Variants in ATL1 observed in about 807,000 individuals in gnomAD.
The protein encoded by ATL1 is atlastin GTPase 1.
Under a neutral mutation model 75.5 loss-of-function variants are expected in ATL1, and 31 were observed. The observed-to-expected ratio is 0.41, with a 90% CI of 0.31 to 0.55. ATL1 has a LOEUF of 0.55. Among genes scored for constraint, ATL1 ranks in the 20% least tolerant of loss-of-function variants. The pLI is 0.27. For missense variants in ATL1, 405 were observed against 662.6 expected (o/e 0.61, Z 4.27); for synonymous variants, 226 against 233.3 (o/e 0.97, Z 0.28).
At chr14:50,579,886 C>T (rs1192646665) in intron 1 of ATL1, among the ~76,000 whole-genome samples, 1 of 152,116 alleles carries the variant, frequency 6.6e-6, no homozygotes, top group East Asian at 1.9e-4. Flanking sequence ...CTACCCACTG[C>T]TAAGAGCTGG....
chr14:50,536,435 TCAAAAAAA>T (rs759606594), intron 1 of ATL1, among the ~76,000 whole-genome samples: 1 of 24,578 alleles, frequency 4.1e-5, no homozygotes. Context: ...AAACTCTGTC[TCAAAAAAA>T]AAAAAAAAAA....
chr14:50,574,662 A>G (rs2038984217), intron 1 of ATL1, among the ~76,000 whole-genome samples: 1 of 152,054 alleles, frequency 6.6e-6, no homozygotes, highest in Non-Finnish European at 1.5e-5. Context: ...TTCTTAAAAC[A>G]TGTGAACATA....
intron 7 of ATL1, among the ~76,000 whole-genome samples, chr14:50,613,784 T>C (rs1348825821): frequency 6.6e-6 from 1 of 152,138 alleles, no homozygotes; most frequent in African/African-American, 2.4e-5. Flanking sequence ...GGGAGAAAGA[T>C]CAAAATTTAC....
Position 50,587,866 on chromosome 14 carries a change from G to C in ATL1, c.70G>C (p.Glu24Gln), listed in dbSNP as rs763169900. The stretch of plus-strand genomic sequence containing the variant: ...GGAAAAGACATATGAATGGAGCTCA[G>C]AAGAGGAGGAGCCAGTGAAAAAGGC... ...FSEKTYEWSS[E>Q]EEEPVKKAGP... is the part of the protein sequence containing the mutation. The change falls in exon 2 of 14, where the codon GAA becomes CAA. Residue 24 changes from glutamate to glutamine, a missense_variant. Physicochemically the swap from Glu to Gln is conservative, Grantham distance 29. This residue lies in a region of ATL1 where 126 missense variants were observed against 172.0 expected (regional missense o/e 0.73). Transcript: ENST00000358385. 9.3e-6 allele frequency: 15 copies of C among 1,614,066 alleles called. No homozygotes were observed. The Admixed American group carries it at 2.0e-4, about 22-fold the overall frequency.
In ATL1 at chr14:50,628,033, T is replaced by C. The variant is rs767463841; in HGVS notation, c.1122T>C (p.Ile374=). The change falls in exon 12 of 14, where the codon ATT becomes ATC. Residue 374 remains isoleucine (I), a splice_region_variant and synonymous_variant. Transcript: ENST00000358385. ...AAATACTTCTCTATCTGATACAGAT[T>C]TGTGGTGGTGACAAACCATTTCTGG... ...KDTYNKKMEE[I]CGGDKPFLAP... 1 of 1,614,164 alleles carries C rather than the reference T, an allele frequency of 6.2e-7. No homozygotes were observed. The highest frequency in any genetic ancestry group is 8.5e-7 in the Non-Finnish European group (1 of 1,180,014).
At chr14:50,553,619 A>C (rs554568570) in intron 1 of ATL1, among the ~76,000 whole-genome samples, 2 of 152,326 alleles carry the variant, frequency 1.3e-5, no homozygotes, top group South Asian at 4.1e-4. Flanking sequence ...CCAAAGGAAA[A>C]TAAGTCATTA....
chr14:50,566,861 T>A (rs1485436755), intron 1 of ATL1, among the ~76,000 whole-genome samples: 1 of 150,764 alleles, frequency 6.6e-6, no homozygotes, highest in Non-Finnish European at 1.5e-5. Flanking sequence ...TTTTTATATT[T>A]AAAAAAATCT....
At chr14:50,625,848 T>A (rs2039514239) in intron 11 of ATL1, among the ~76,000 whole-genome samples, 1 of 149,420 alleles carries the variant, frequency 6.7e-6, no homozygotes, top group African/African-American at 2.5e-5. Flanking sequence ...AGGCAGAGTT[T>A]GCAATGAGTC....
intron 8 of ATL1, among the ~76,000 whole-genome samples, chr14:50,615,948 A>G (rs889286598): frequency 6.6e-6 from 1 of 152,190 alleles, no homozygotes; most frequent in Non-Finnish European, 1.5e-5. Context: ...GAGCTCACGG[A>G]GAGAGTTTAA....
intron 1 of ATL1, among the ~76,000 whole-genome samples, chr14:50,585,569 A>G (rs538438433): frequency 6.6e-6 from 1 of 152,352 alleles, no homozygotes; most frequent in Non-Finnish European, 1.5e-5. Context: ...AGATAATAGT[A>G]TTAATAACAG....
intron 9 of ATL1, among the ~76,000 whole-genome samples, 156 bp downstream of exon 9, chr14:50,620,882 A>G (rs554442268): frequency 3.8e-4 from 58 of 152,342 alleles, no homozygotes; most frequent in Admixed American, 7.2e-4. Flanking sequence ...AAGCTTTTTC[A>G]AAACCTTTCA....
At chr14:50,594,166 T>G (rs1181146098) in intron 5 of ATL1, among the ~76,000 whole-genome samples, 1 of 152,198 alleles carries the variant, frequency 6.6e-6, no homozygotes, top group Non-Finnish European at 1.5e-5. Flanking sequence ...AGGCACCTTC[T>G]TCACAAGGCA....
At position 50,629,982 on chromosome 14, in the gene ATL1, G is replaced by T. The variant is rs1295529639; in HGVS notation, c.1552-13G>T. ...TACTTTTCTTTTTTCTTTTTAATCT[G>T]CCTTTGCCACAGGGAAGTACAAATG... On this transcript the variant is annotated splice_polypyrimidine_tract_variant and intron_variant, in intron 12 of 13. Coordinates refer to ENST00000358385, the MANE Select transcript of ATL1 (RefSeq NM_015915.5). 1 of 1,588,546 alleles carries T rather than the reference G, an allele frequency of 6.3e-7. No individual in the cohort carries two copies. The highest frequency in any genetic ancestry group is 8.6e-7 in the Non-Finnish European group (1 of 1,163,210).
Position 50,588,075 on chromosome 14 carries a change from C to T in ATL1, c.279C>T (p.Asn93=). 6.2e-7 allele frequency: 1 copy of T among 1,614,146 alleles called. No homozygotes were observed. The highest frequency in any genetic ancestry group is 8.5e-7 in the Non-Finnish European group (1 of 1,180,012). Residue 93 remains asparagine (N), a synonymous_variant, in exon 2 of 14, where the codon AAC becomes AAT. Transcript: ENST00000358385. ...ACTTCATGTTGAGATACATGTACAA[C>T]CAGGTATGCAGGAAGTACTTTAAAA... is the stretch of plus-strand genomic sequence containing the variant. ...LMDFMLRYMY[N]QESVDWVGDY...
chr14:50,546,744 GT>G (rs536539163), intron 1 of ATL1, among the ~76,000 whole-genome samples: 1 of 152,040 alleles, frequency 6.6e-6, no homozygotes, highest in Non-Finnish European at 1.5e-5. Flanking sequence ...TGTTTGTGTG[GT>G]TTTTTTGACA....
intron 6 of ATL1, among the ~76,000 whole-genome samples, chr14:50,607,664 C>A (rs141220014): frequency 6.3e-4 from 96 of 152,108 alleles, no homozygotes; most frequent in African/African-American, 2.0e-3. Context: ...TATTAAAAAC[C>A]AGTTCAGATA....
chr14:50,575,566 A>G (rs529823540), intron 1 of ATL1, among the ~76,000 whole-genome samples: 2 of 152,206 alleles, frequency 1.3e-5, no homozygotes, highest in East Asian at 1.9e-4. Flanking sequence ...CATTCACACA[A>G]TGTTTTTGAT....
At chr14:50,551,341 C>T (rs2038699573) in intron 1 of ATL1, among the ~76,000 whole-genome samples, 1 of 78,330 alleles carries the variant, frequency 1.3e-5, no homozygotes, top group South Asian at 4.3e-4. Context: ...AATAGAAACT[C>T]TGAACAGACC....
Position 50,599,454 on chromosome 14 carries a change from G to C in ATL1, c.630+3822G>C, listed in dbSNP as rs1356740064. Among the ~76,000 whole-genome samples the C allele has an allele frequency of 3.9e-5, 6 of 152,158 alleles. No homozygotes were observed. In the South Asian group the frequency reaches 1.2e-3, roughly 32 times the overall value. On this transcript the variant is annotated intron_variant, in intron 6 of 13. Coordinates refer to ENST00000358385, the MANE Select transcript of ATL1 (RefSeq NM_015915.5). ...GGATTTGGGAAAATGGGAACACTCA[G>C]GCCCTATTGTTGAAAGTGCAGATTG...
Sources: gnomAD v4.1 joint callset for allele counts (sites outside exome capture counted in the v4.1 genomes callset) on GRCh38, gnomAD v4.1.1 for gene constraint, gnomAD v4.1.1 regional missense constraint, MANE v1.5 for transcripts, NCBI Gene and HGNC (gene_info 2026-07-23, HGNC 2026-07-21) for gene names.